Variants in TRIM49 observed in about 807,000 individuals in gnomAD.
TRIM49 encodes tripartite motif containing 49.
In TRIM49, 5 loss-of-function variants were observed where a neutral mutation model predicts 27.4. The ratio of observed to expected loss-of-function variants is 0.18; its 90% CI spans 0.10 to 0.38. TRIM49 has a LOEUF of 0.38. Among genes scored for constraint, TRIM49 ranks in the 10% least tolerant of loss-of-function variants. The pLI is 1.00. For missense variants in TRIM49, 188 were observed against 487.5 expected (o/e 0.39, Z 5.79); for synonymous variants, 69 against 166.0 (o/e 0.42, Z 4.49).
chr11:89,793,558 G>A (rs1231653373), downstream of TRIM49, among the ~76,000 whole-genome samples: 1 of 152,060 alleles, frequency 6.6e-6, no homozygotes, highest in African/African-American at 2.4e-5. Flanking sequence ...CTTCATCCCT[G>A]GGATCCAAGG....
Position 89,801,001 on chromosome 11 carries a change from A to G in TRIM49, c.739-13T>C. 7.2e-7 allele frequency: 1 copy of G among 1,387,504 alleles called. No homozygotes were observed. Among genetic ancestry groups the G allele is most frequent in the Non-Finnish European group, 9.7e-7 (1 of 1,027,468 alleles). 85.9% of individuals were successfully genotyped at this position (1,387,504 alleles called of 1,614,324 possible). On this transcript the variant is annotated splice_polypyrimidine_tract_variant and intron_variant, in intron 5 of 7. Transcript: ENST00000329758. ...TGTCTCCAAAAGCCTGAAAAAAAAA[A>G]AAAGAAGAAAGATTTAGTGCATTTC...
the TRIM49 span, among the ~76,000 whole-genome samples, chr11:89,780,079 G>A: frequency 1.1e-4 from 13 of 113,564 alleles, 2 homozygotes; most frequent in Admixed American, 9.0e-4. Flanking sequence ...AAAGACAGAG[G>A]GAGGAGAGAG....
chr11:89,790,563 C>T, the TRIM49 span, among the ~76,000 whole-genome samples: 130 of 152,096 alleles, frequency 8.5e-4, 1 homozygote, highest in Admixed American at 2.9e-3. Flanking sequence ...TCTAGAGGAA[C>T]GATCAGGCAG....
chr11:89,769,738 G>C, the TRIM49 span, among the ~76,000 whole-genome samples: 2 of 114,290 alleles, frequency 1.7e-5, no homozygotes, highest in Admixed American at 7.9e-5. Flanking sequence ...TCCTTTGTCT[G>C]ACTCCTCTTG....
the TRIM49 span, chr11:89,768,131 A>G: frequency 3.2e-6 from 3 of 926,114 alleles, no homozygotes; most frequent in Middle Eastern, 3.7e-4. Context: ...AAGGCTGCCC[A>G]TAGAAAACCA....
At chr11:89,797,435 G>T (rs542312008), downstream of TRIM49, among the ~76,000 whole-genome samples, 6 of 147,324 alleles carry the variant, frequency 4.1e-5, no homozygotes, top group Non-Finnish European at 3.0e-5. Context: ...ATTGTATCAG[G>T]TTCCCCTTCC....
At chr11:89,771,389 C>G in the TRIM49 span, among the ~76,000 whole-genome samples, 24,699 of 98,768 alleles carry the variant, frequency 0.25, 7,345 homozygotes, top group East Asian at 0.59. Flanking sequence ...TAGAATGTTT[C>G]TTAAGACACA....
the TRIM49 span, chr11:89,768,849 A>G: frequency 2.0e-6 from 1 of 503,740 alleles, no homozygotes; most frequent in Non-Finnish European, 3.9e-6. Flanking sequence ...GGAGAGAGAG[A>G]GAGAGAGAGA....
At chr11:89,793,326 C>T (rs1242765333), downstream of TRIM49, among the ~76,000 whole-genome samples, 4 of 152,126 alleles carry the variant, frequency 2.6e-5, no homozygotes, top group African/African-American at 9.7e-5. Context: ...TGGTACCATT[C>T]CTTCTGAAAC....
intron 1 of TRIM49, among the ~76,000 whole-genome samples, chr11:89,807,599 A>G (rs1949797651): frequency 6.6e-6 from 1 of 150,724 alleles, no homozygotes; most frequent in Admixed American, 6.6e-5. Context: ...GCAGTAGCAT[A>G]ATCATAGCTC....
the TRIM49 span, chr11:89,777,526 C>T: frequency 3.9e-6 from 5 of 1,270,260 alleles, no homozygotes; most frequent in African/African-American, 6.2e-5. Flanking sequence ...ATGAATGTGT[C>T]CTTTCAATGT....
chr11:89,800,304 T>C (rs1280592912), intron 6 of TRIM49, among the ~76,000 whole-genome samples: 2 of 151,676 alleles, frequency 1.3e-5, no homozygotes, highest in Non-Finnish European at 2.9e-5. Context: ...TGTTAACTGA[T>C]ATGTATATAT....
chr11:89,797,584 C>G (rs1949700607), downstream of TRIM49: 1 of 152,058 alleles, frequency 6.6e-6, no homozygotes, highest in African/African-American at 2.5e-5. Flanking sequence ...GACGAGCACA[C>G]TAATAATGAA....
chr11:89,787,600 G>C, the TRIM49 span: 2 of 838,122 alleles, frequency 2.4e-6, no homozygotes, highest in South Asian at 3.6e-5. Flanking sequence ...GCCTGCGGCG[G>C]AGCAGCTTGT....
At chr11:89,770,797 C>T in the TRIM49 span, among the ~76,000 whole-genome samples, 150 of 143,842 alleles carry the variant, frequency 1.0e-3, 3 homozygotes, top group Middle Eastern at 3.5e-3. Context: ...ACCCGGGAGG[C>T]GGAGCTTGCA....
the TRIM49 span, among the ~76,000 whole-genome samples, chr11:89,767,722 A>G: frequency 7.6e-6 from 1 of 132,386 alleles, no homozygotes; most frequent in Non-Finnish European, 1.5e-5. Context: ...TTGCATTGTT[A>G]TATAAGTTAC....
At chr11:89,787,165 C>G in the TRIM49 span, 3 of 215,182 alleles carry the variant, frequency 1.4e-5, no homozygotes, top group South Asian at 1.8e-4. Flanking sequence ...CCAAAAACTG[C>G]CTGCAGAGGG....
the TRIM49 span, among the ~76,000 whole-genome samples, chr11:89,791,837 A>G: frequency 6.6e-6 from 1 of 151,816 alleles, no homozygotes; most frequent in African/African-American, 2.4e-5. Context: ...TGCATCAACT[A>G]ATGAGCAAAA....
downstream of TRIM49, among the ~76,000 whole-genome samples, chr11:89,793,969 G>C (rs1458662188): frequency 2.3e-4 from 35 of 149,718 alleles, no homozygotes; most frequent in African/African-American, 7.8e-4. Context: ...CAGATGACAC[G>C]ATTGTATGTT....
Sources: gnomAD v4.1 joint callset for allele counts (sites outside exome capture counted in the v4.1 genomes callset) on GRCh38, gnomAD v4.1.1 for gene constraint, MANE v1.5 for transcripts, NCBI Gene and HGNC (gene_info 2026-07-23, HGNC 2026-07-21) for gene names.